The following EYA1 variants were observed in gnomAD, a reference collection of about 807,000 sequenced individuals.
EYA1 encodes EYA transcriptional coactivator and phosphatase 1, also known as protein phosphatase EYA1.
Under a neutral mutation model 82.0 loss-of-function variants are expected in EYA1, and 16 were observed. The ratio of observed to expected loss-of-function variants is 0.20; its 90% CI spans 0.13 to 0.30. The LOEUF (loss-of-function observed/expected upper bound fraction) is 0.30. EYA1 is among the 10% of genes least tolerant of loss of function. The pLI is 1.00. For synonymous variants in EYA1, 261 were observed against 264.4 expected, an observed-to-expected ratio of 0.99 and a Z score of 0.12; for missense variants, 633 against 730.7, an observed-to-expected ratio of 0.87 and a Z score of 1.54.
chr8:71,533,575 G>A (rs1021698042), intron 2 of EYA1, among the ~76,000 whole-genome samples: 2 of 152,126 alleles, frequency 1.3e-5, no homozygotes, highest in African/African-American at 2.4e-5. Context: ...GTACAGTAGC[G>A]CAACCACCTT....
At chr8:71,252,724 A>G (rs1160037248) in intron 11 of EYA1, among the ~76,000 whole-genome samples, 1 of 152,218 alleles carries the variant, frequency 6.6e-6, no homozygotes, top group Non-Finnish European at 1.5e-5. Context: ...GGAAGGTAGG[A>G]TCATTCAGAT....
intron 3 of EYA1, among the ~76,000 whole-genome samples, chr8:71,345,541 T>C (rs1825601913): frequency 6.6e-6 from 1 of 152,220 alleles, no homozygotes; most frequent in Non-Finnish European, 1.5e-5. Flanking sequence ...TTAGTTGCTG[T>C]GAATAAACAG....
At chr8:71,373,359 G>T (rs1371236189) in intron 2 of EYA1, among the ~76,000 whole-genome samples, 3 of 151,828 alleles carry the variant, frequency 2.0e-5, no homozygotes, top group Non-Finnish European at 4.4e-5. Flanking sequence ...ATTTGAAAAA[G>T]AAATCAAGAA....
At chr8:71,511,066 T>G (rs1224310015) in intron 2 of EYA1, among the ~76,000 whole-genome samples, 1 of 152,148 alleles carries the variant, frequency 6.6e-6, no homozygotes, top group Non-Finnish European at 1.5e-5. Flanking sequence ...ATCACACCTA[T>G]TACTGTAAGA....
intron 2 of EYA1, among the ~76,000 whole-genome samples, chr8:71,515,539 AC>A (rs1812910576): frequency 6.6e-6 from 1 of 152,138 alleles, no homozygotes; most frequent in African/African-American, 2.4e-5. Context: ...AGTTCATACT[AC>A]GGTATTGCCA....
intron 3 of EYA1, among the ~76,000 whole-genome samples, chr8:71,349,813 A>AT (rs1005560402): frequency 2.0e-5 from 3 of 151,778 alleles, no homozygotes; most frequent in Non-Finnish European, 4.4e-5. Flanking sequence ...AATGTTTTAA[A>AT]TTTTTTTTTC....
chr8:71,455,020 T>C (rs1446002475), intron 2 of EYA1, among the ~76,000 whole-genome samples: 4 of 151,474 alleles, frequency 2.6e-5, no homozygotes, highest in Non-Finnish European at 5.9e-5. Flanking sequence ...GCAAAACTAA[T>C]AAAGAAGAAA....
At chr8:71,530,832 C>A (rs546638133) in intron 2 of EYA1, 10 of 152,276 alleles carry the variant, frequency 6.6e-5, no homozygotes, top group Middle Eastern at 6.8e-3. Flanking sequence ...GTTAGCACTT[C>A]AAATTTATCA....
chr8:71,406,083 T>C (rs1281676057), intron 2 of EYA1, among the ~76,000 whole-genome samples: 1 of 152,152 alleles, frequency 6.6e-6, no homozygotes. Flanking sequence ...ACTCAGCAAA[T>C]TGTATCCACT....
chr8:71,248,347 A>C (rs1019848034), intron 11 of EYA1, among the ~76,000 whole-genome samples: 1 of 152,212 alleles, frequency 6.6e-6, no homozygotes, highest in African/African-American at 2.4e-5. Context: ...GACATCTTTG[A>C]ACCACAATGC....
chr8:71,302,346 C>T (rs1820287040), intron 7 of EYA1, among the ~76,000 whole-genome samples: 1 of 152,014 alleles, frequency 6.6e-6, no homozygotes, highest in Non-Finnish European at 1.5e-5. Flanking sequence ...TAGGAAAGAC[C>T]ATGGAAGCTA....
intron 2 of EYA1, among the ~76,000 whole-genome samples, chr8:71,487,992 G>A (rs562556863): frequency 1.2e-4 from 18 of 152,102 alleles, no homozygotes; most frequent in South Asian, 6.2e-4. Context: ...TAAAAGCCAC[G>A]AATAAGAATT....
intron 9 of EYA1, among the ~76,000 whole-genome samples, chr8:71,298,392 A>C (rs946800685): frequency 3.9e-5 from 6 of 152,214 alleles, no homozygotes; most frequent in African/African-American, 1.4e-4. Flanking sequence ...TTAAGTAAAG[A>C]CCAATTCAGG....
At chr8:71,468,053 C>T (rs1808906702) in intron 2 of EYA1, among the ~76,000 whole-genome samples, 1 of 152,088 alleles carries the variant, frequency 6.6e-6, no homozygotes, top group Admixed American at 6.6e-5. Context: ...CAGAACTGAG[C>T]TAGACTACTA....
At chr8:71,337,296 T>C (rs1824612825) in intron 3 of EYA1, among the ~76,000 whole-genome samples, 1 of 152,322 alleles carries the variant, frequency 6.6e-6, no homozygotes, top group African/African-American at 2.4e-5. Context: ...CTCCAGTCTA[T>C]TAGAAAATAG....
At chr8:71,403,321 A>C (rs1451802129) in intron 2 of EYA1, 1 of 152,246 alleles carries the variant, frequency 6.6e-6, no homozygotes, top group Non-Finnish European at 1.5e-5. Context: ...TATCATTACT[A>C]TCAAACCTAA....
At chr8:71,329,949 G>A (rs1823626214) in intron 4 of EYA1, among the ~76,000 whole-genome samples, 1 of 152,124 alleles carries the variant, frequency 6.6e-6, no homozygotes, top group Non-Finnish European at 1.5e-5. Context: ...GGTCAGGGTG[G>A]GCCTCGATGA....
Position 71,354,769 on chromosome 8 carries a change from G to C in EYA1, c.124+13C>G, listed in dbSNP as rs1217590198. On this transcript the variant is annotated intron_variant, in intron 3 of 17. Transcript: ENST00000340726. ...CAAGGTGCAAAGTAAATAGTGAGAAGGCAGACACTCACCTTCGGTGCCATT... is the reference window on the plus strand; with the variant it reads ...CAAGGTGCAAAGTAAATAGTGAGAACGCAGACACTCACCTTCGGTGCCATT... 3.7e-6 allele frequency: 6 copies of C among 1,611,866 alleles called. No individual in the cohort carries two copies. Among genetic ancestry groups the C allele is most frequent in the Non-Finnish European group, 5.1e-6 (6 of 1,178,512 alleles).
rs1352353202 is a variant in EYA1, at chr8:71,493,907, C to CAGCTACT, written c.33+41830_33+41836dup. 2.1e-5 allele frequency among the ~76,000 whole-genome samples: 3 copies of CAGCTACT among 145,282 alleles called. No individual in the cohort carries two copies. In the Admixed American group the frequency reaches 2.1e-4, roughly 10 times the overall value. ...GCGTAGTGGCGGGCGCCTGTAGTCC[C>CAGCTACT]AGCTACTTGGGAGGCTGAGGCAGGA... On this transcript the variant is annotated intron_variant, in intron 2 of 18. Coordinates refer to the EYA1 transcript ENST00000643681.
Sources: gnomAD v4.1 joint callset for allele counts (sites outside exome capture counted in the v4.1 genomes callset) on GRCh38, gnomAD v4.1.1 for gene constraint, MANE v1.5 for transcripts, NCBI Gene and HGNC (gene_info 2026-07-23, HGNC 2026-07-21) for gene names.